The following ADGRL2 variants were observed in gnomAD, a reference collection of about 807,000 sequenced individuals.
ADGRL2 encodes the protein adhesion G protein-coupled receptor L2, also known as calcium-independent alpha-latrotoxin receptor 2.
Under a neutral mutation model 157.4 loss-of-function variants are expected in ADGRL2, and 44 were observed. The observed-to-expected ratio is 0.28, with a 90% CI of 0.22 to 0.36. ADGRL2 has a LOEUF of 0.36. Ranked by LOEUF, ADGRL2 falls within the 10% of genes least tolerant of loss-of-function variation. ADGRL2 has a pLI of 1.00. For missense variants in ADGRL2, 1,510 were observed against 1,768.9 expected (o/e 0.85, Z 2.63); for synonymous variants, 585 against 624.7 (o/e 0.94, Z 0.95).
chr1:81,832,723 C>G (rs1447694673), intron 1 of ADGRL2, among the ~76,000 whole-genome samples: 1 of 152,158 alleles, frequency 6.6e-6, no homozygotes, highest in Non-Finnish European at 1.5e-5. Context: ...TTGCCAGCCC[C>G]AGCCCTATCC....
intron 1 of ADGRL2, among the ~76,000 whole-genome samples, chr1:81,806,728 C>G (rs1054125684): frequency 3.3e-5 from 5 of 151,382 alleles, no homozygotes; most frequent in Admixed American, 2.0e-4. Flanking sequence ...TTGTACCTAC[C>G]TAAAAGAAAT....
upstream of ADGRL2, chr1:81,800,536 C>T (rs537968181): frequency 1.3e-5 from 2 of 151,976 alleles, no homozygotes; most frequent in Non-Finnish European, 2.9e-5. Context: ...GCATCCCGGG[C>T]GCCTCTCCGA....
chr1:81,700,694 T>C (rs1247215206), intron 1 of ADGRL2, among the ~76,000 whole-genome samples: 22 of 152,204 alleles, frequency 1.4e-4, no homozygotes, highest in Admixed American at 1.4e-3. Context: ...TCAAAAGCTG[T>C]TCTGTATACT....
chr1:81,426,686 T>G, intron 1 of ADGRL2: 1 of 470,236 alleles, frequency 2.1e-6, no homozygotes. Context: ...TTCCAGGGGG[T>G]TTGGTTTTGT....
chr1:81,426,166 C>T (rs10874242), intron 1 of ADGRL2, among the ~76,000 whole-genome samples: 27,413 of 152,074 alleles, frequency 0.18, 3,041 homozygotes, highest in East Asian at 0.42. Context: ...TATGGTTGGA[C>T]AATAGGGTGG....
At chr1:81,540,351 G>C (rs2079852533) in intron 2 of ADGRL2, among the ~76,000 whole-genome samples, 1 of 152,156 alleles carries the variant, frequency 6.6e-6, no homozygotes, top group South Asian at 2.1e-4. Context: ...AAACAAATAT[G>C]TATTGAACAC....
chr1:81,473,978 G>C (rs1348101620), intron 2 of ADGRL2, among the ~76,000 whole-genome samples: 1 of 152,212 alleles, frequency 6.6e-6, no homozygotes, highest in Non-Finnish European at 1.5e-5. Flanking sequence ...GCCTAGGCCT[G>C]TTGCAGTTGG....
chr1:81,401,338 T>C (rs2076751634), intron 1 of ADGRL2, among the ~76,000 whole-genome samples: 1 of 152,158 alleles, frequency 6.6e-6, no homozygotes, highest in Admixed American at 6.5e-5. Flanking sequence ...TGTTGAAGAC[T>C]ACAGTTGTCC....
intron 1 of ADGRL2, among the ~76,000 whole-genome samples, chr1:81,808,144 G>A (rs1006115851): frequency 4.0e-5 from 6 of 151,836 alleles, no homozygotes; most frequent in African/African-American, 1.4e-4. Flanking sequence ...TAATTACAAC[G>A]AAAATGCAGT....
intron 2 of ADGRL2, among the ~76,000 whole-genome samples, chr1:81,784,611 C>T (rs953712227): frequency 1.3e-5 from 2 of 151,600 alleles, no homozygotes; most frequent in Non-Finnish European, 2.9e-5. Context: ...GCCTGTAATC[C>T]CAGCTATTCC....
At chr1:81,532,116 CA>C (rs1255163202) in intron 2 of ADGRL2, among the ~76,000 whole-genome samples, 1 of 152,094 alleles carries the variant, frequency 6.6e-6, no homozygotes, top group Non-Finnish European at 1.5e-5. Context: ...TTCTCATCTG[CA>C]AAATGGGAAT....
intron 2 of ADGRL2, among the ~76,000 whole-genome samples, chr1:81,905,839 G>A (rs1452081999): frequency 1.3e-5 from 2 of 152,022 alleles, no homozygotes; most frequent in Non-Finnish European, 2.9e-5. Flanking sequence ...GTCAGCTTCT[G>A]AAGCCATAAA....
In ADGRL2 at chr1:81,993,085, A is replaced by ATTTTT. The variant is rs1664882932; in HGVS notation, c.*1941_*1942insTTTTT. On this transcript the variant is annotated 3_prime_UTR_variant, in exon 24 of 24. Transcript: ENST00000686636. ...TATATATATATATATATATATATAT[A>ATTTTT]TATTTTTTTTTTTTTTTTTTTTTTT... is the stretch of plus-strand genomic sequence containing the variant. Among the ~76,000 whole-genome samples the ATTTTT allele has an allele frequency of 3.1e-5, 1 of 32,116 alleles. No homozygotes were observed. The highest frequency in any genetic ancestry group is 4.9e-5 in the Non-Finnish European group (1 of 20,300). 21.1% of individuals were successfully genotyped at this position (32,116 alleles called of 152,430 possible).
chr1:81,344,695 A>C (rs1662350462), intron 1 of ADGRL2, among the ~76,000 whole-genome samples: 2 of 148,294 alleles, frequency 1.3e-5, no homozygotes, highest in South Asian at 4.3e-4. Context: ...AAAAAAGCAG[A>C]TTATATTTAA....
intron 2 of ADGRL2, among the ~76,000 whole-genome samples, chr1:81,524,045 C>T (rs1156693581): frequency 1.3e-5 from 2 of 149,108 alleles, no homozygotes; most frequent in East Asian, 2.0e-4. Flanking sequence ...AGCTGGGTGA[C>T]GGTGCAAGAT....
intron 2 of ADGRL2, among the ~76,000 whole-genome samples, chr1:81,507,812 G>A (rs2079005704): frequency 6.6e-6 from 1 of 152,120 alleles, no homozygotes; most frequent in Admixed American, 6.5e-5. Context: ...TGCTACCTAA[G>A]GACATATCCC....
At chr1:81,367,003 C>T (rs987692671) in intron 1 of ADGRL2, among the ~76,000 whole-genome samples, 5 of 152,094 alleles carry the variant, frequency 3.3e-5, no homozygotes, top group Admixed American at 2.6e-4. Flanking sequence ...AATTCTAGTA[C>T]CATTAACTTT....
intron 3 of ADGRL2, among the ~76,000 whole-genome samples, chr1:81,621,800 CA>C (rs752112061): frequency 1.3e-5 from 2 of 152,134 alleles, no homozygotes; most frequent in Non-Finnish European, 2.9e-5. Flanking sequence ...ATTTGTTATG[CA>C]GCAATAGAAA....
At chr1:81,574,372 G>C (rs111934908) in intron 2 of ADGRL2, among the ~76,000 whole-genome samples, 2,139 of 152,220 alleles carry the variant, frequency 0.014, 66 homozygotes, top group African/African-American at 0.049. Context: ...TTGCCAAATG[G>C]GGTGAAGCCC....
Sources: allele counts gnomAD v4.1 joint callset (sites outside exome capture counted in the v4.1 genomes callset), GRCh38; gene constraint gnomAD v4.1.1; transcripts MANE v1.5; gene names NCBI Gene and HGNC (gene_info 2026-07-23, HGNC 2026-07-21).